TBX4: variants seen among roughly 807,000 people sequenced by gnomAD.
TBX4 encodes the protein T-box transcription factor TBX4.
TBX4 carries 13 observed loss-of-function variants against 54.6 expected under a neutral mutation model. The observed-to-expected ratio is 0.24, with a 90% CI of 0.15 to 0.38. The LOEUF (loss-of-function observed/expected upper bound fraction) is 0.38. Ranked by LOEUF, TBX4 falls within the 10% of genes least tolerant of loss-of-function variation. The pLI, the probability that TBX4 is intolerant of heterozygous loss-of-function variation, is 1.00. For missense variants in TBX4, 631 were observed against 728.5 expected (o/e 0.87, Z 1.54); for synonymous variants, 314 against 306.7 (o/e 1.02, Z -0.25).
Position 61,462,687 on chromosome 17 carries a change from G to A in TBX4, c.282-3132G>A, listed in dbSNP as rs1405882087. 6.6e-6 allele frequency among the ~76,000 whole-genome samples: 1 copy of A among 152,238 alleles called. No homozygotes were observed. Among genetic ancestry groups the A allele is most frequent in the Non-Finnish European group, 1.5e-5 (1 of 68,034 alleles). On this transcript the variant is annotated intron_variant, in intron 3 of 8. Transcript: ENST00000644296. The surrounding 1 kb of genome is among the most constrained non-coding windows in gnomAD (Gnocchi z 4.5). ...TGCGTGGACACAGGCGGCACACACA[G>A]TGTCTTCCTTCTTGGTCACCTCCCC...
rs1207495690 is a variant in TBX4 at position 61,472,425 on chromosome 17, TA to T, written c.549+4771del. Among the ~76,000 whole-genome samples the T allele has an allele frequency of 1.3e-5, 2 of 152,248 alleles. No homozygotes were observed. The highest frequency in any genetic ancestry group is 4.8e-5 in the African/African-American group (2 of 41,470). ...AGTAAGGTTAAGCATCTTCTTTTAA[TA>T]AATTTCCTCTCCTGCGAACTGCTGT... is the stretch of plus-strand genomic sequence containing the variant. On this transcript the variant is annotated intron_variant, in intron 5 of 8. Transcript: ENST00000644296. The surrounding 1 kb of genome is among the most constrained non-coding windows in gnomAD (Gnocchi z 4.5).
chr17:61,473,106 A>G (rs1054166860), intron 5 of TBX4, among the ~76,000 whole-genome samples: 2 of 152,184 alleles, frequency 1.3e-5, no homozygotes, highest in African/African-American at 4.8e-5. Context: ...TAAATTATAA[A>G]TTTACTTAGA....
rs2060464282 is a variant in TBX4 at position 61,457,800 on chromosome 17, C to T, written c.281+169C>T. Among the ~76,000 whole-genome samples the T allele has an allele frequency of 6.6e-6, 1 of 152,204 alleles. No homozygotes were observed. ...GCAGCTTGGGACTGGGCCGCCAAAGCCCGCAGGGGGCCACCGCAGCCGCGC... is the reference window on the plus strand; with the variant it reads ...GCAGCTTGGGACTGGGCCGCCAAAGTCCGCAGGGGGCCACCGCAGCCGCGC... On this transcript the variant is annotated intron_variant, in intron 3 of 8. Transcript: ENST00000644296. The surrounding 1 kb of genome is among the most constrained non-coding windows in gnomAD (Gnocchi z 8.2).
In TBX4 at chr17:61,476,088, C is replaced by T. The variant is rs2060618332; in HGVS notation, c.550-2539C>T. Among the ~76,000 whole-genome samples the T allele has an allele frequency of 6.6e-6, 1 of 152,076 alleles. No homozygotes were observed. Among genetic ancestry groups the T allele is most frequent in the South Asian group, 2.1e-4 (1 of 4,830 alleles). On this transcript the variant is annotated intron_variant, in intron 5 of 8. Coordinates refer to ENST00000644296, the MANE Select transcript of TBX4 (RefSeq NM_001321120.2). The surrounding 1 kb of genome is among the most constrained non-coding windows in gnomAD (Gnocchi z 6.5). ...GCACTCACTAGATCCTGTCTGGGGG[C>T]AAAGGAGCCTGGAGGTACAAAAGGA... is the stretch of plus-strand genomic sequence containing the variant.
At position 61,461,465 on chromosome 17, in the gene TBX4, G is replaced by C. The variant is rs1338577291; in HGVS notation, c.281+3834G>C. Among the ~76,000 whole-genome samples the C allele has an allele frequency of 6.6e-6, 1 of 152,144 alleles. No individual in the cohort carries two copies. Among genetic ancestry groups the C allele is most frequent in the Non-Finnish European group, 1.5e-5 (1 of 68,032 alleles). On this transcript the variant is annotated intron_variant, in intron 3 of 8. Coordinates refer to ENST00000644296, the MANE Select transcript of TBX4 (RefSeq NM_001321120.2). The surrounding 1 kb of genome is among the most constrained non-coding windows in gnomAD (Gnocchi z 5.1). ...AGGATTCCTCCTGAAAAGCCCCCAC[G>C]GACATCAGGGTTGGAGAAACAAAGG...
Position 61,465,796 on chromosome 17 carries a change from G to C in TBX4, c.282-23G>C, listed in dbSNP as rs569172421. 6.2e-7 allele frequency: 1 copy of C among 1,613,390 alleles called. No homozygotes were observed. On this transcript the variant is annotated intron_variant, in intron 3 of 8. Transcript: ENST00000644296. The surrounding 1 kb of genome is among the most constrained non-coding windows in gnomAD (Gnocchi z 4.9). ...TCCTGGTGCTCTGTCCACACGCTCC[G>C]CCTCACCCCTCGGCTCCCCCAGGAG...
Position 61,483,190 on chromosome 17 carries a change from C to T in TBX4, c.1315C>T (p.Pro439Ser). Residue 439 changes from proline (P) to serine (S), a missense_variant, in exon 9 of 9, where the codon CCG (proline) becomes TCG (serine). Around this residue, in one of 3 missense-constraint regions of TBX4, gnomAD observed 354 missense variants for 368.9 expected, o/e 0.96. Transcript: ENST00000644296. The surrounding 1 kb of genome is among the most constrained non-coding windows in gnomAD (Gnocchi z 6.6). Reference protein sequence around the residue: ...SYSVQTMETVPYQPFPTHFTA... With the variant: ...SYSVQTMETVSYQPFPTHFTA... ...TAGCGTGCAGACGATGGAGACTGTG[C>T]CGTACCAGCCCTTCCCCACGCACTT... 6.2e-7 allele frequency: 1 copy of T among 1,614,064 alleles called. No homozygotes were observed. The highest frequency in any genetic ancestry group is 8.5e-7 in the Non-Finnish European group (1 of 1,180,004).
At position 61,484,439 on chromosome 17, in the gene TBX4, A is replaced by C. The variant is rs1473086069; in HGVS notation, c.*923A>C. On this transcript the variant is annotated 3_prime_UTR_variant, in exon 9 of 9. Transcript: ENST00000644296. The surrounding 1 kb of genome is among the most constrained non-coding windows in gnomAD (Gnocchi z 4.1). ...CGCCTCAGCTGGCATCATCCCCAGG[A>C]GGCCACACTGGAGCTGATGTCTGGC... 2 of 152,148 alleles carry C rather than the reference A, an allele frequency of 1.3e-5. No individual in the cohort carries two copies. Among genetic ancestry groups the C allele is most frequent in the Admixed American group, 6.5e-5 (1 of 15,272 alleles). 9.4% of individuals were successfully genotyped at this position (152,148 alleles called of 1,614,324 possible).
rs201441863 is a variant in TBX4, at chr17:61,465,958, A to G, written c.401+20A>G. 6.2e-7 allele frequency: 1 copy of G among 1,613,386 alleles called. No individual in the cohort carries two copies. The highest frequency in any genetic ancestry group is 1.3e-5 in the African/African-American group (1 of 75,014). On this transcript the variant is annotated intron_variant, in intron 4 of 8. Coordinates refer to ENST00000644296, the MANE Select transcript of TBX4 (RefSeq NM_001321120.2). The surrounding 1 kb of genome is among the most constrained non-coding windows in gnomAD (Gnocchi z 4.9). ...CAAATGGTAAGTGGACCCTGACCGC[A>G]TCACCCACGTTCCCTCAACTGCCCA...
chr17:61,468,407 C>T lies in TBX4; in HGVS notation c.549+750C>T, dbSNP rs796779205. 9.2e-5 allele frequency among the ~76,000 whole-genome samples: 14 copies of T among 152,324 alleles called. 1 individual carries two copies. Among genetic ancestry groups the T allele is most frequent in the African/African-American group, 3.4e-4 (14 of 41,588 alleles). On this transcript the variant is annotated intron_variant, in intron 5 of 8. Transcript: ENST00000644296. ...AAGTCTGGGGACCTGGTACTATCTG[C>T]CAGGGCACAGGCCCCTCCCCTCGAG... is the stretch of plus-strand genomic sequence containing the variant.
rs1279863671 is a variant in TBX4, at chr17:61,475,758, T to C, written c.550-2869T>C. On this transcript the variant is annotated intron_variant, in intron 5 of 8. Transcript: ENST00000644296. This position sits in a 1 kb window ranked among gnomAD's most constrained non-coding sequence, Gnocchi z 5.0. ...AGTGTCCTGCACAGCCTTCATGAGGTGCTGGTGCCTATGGCTCTGTCCTGG... is the reference window on the plus strand; with the variant it reads ...AGTGTCCTGCACAGCCTTCATGAGGCGCTGGTGCCTATGGCTCTGTCCTGG... 6.6e-6 allele frequency among the ~76,000 whole-genome samples: 1 copy of C among 152,056 alleles called. No individual in the cohort carries two copies. Among genetic ancestry groups the C allele is most frequent in the Non-Finnish European group, 1.5e-5 (1 of 68,010 alleles).
Position 61,481,534 on chromosome 17 carries a change from CTGAG to C in TBX4, c.1021+1220_1021+1223del, listed in dbSNP as rs1162675893. 6.5e-6 allele frequency: 1 copy of C among 152,744 alleles called. No homozygotes were observed. The highest frequency in any genetic ancestry group is 1.9e-4 in the East Asian group (1 of 5,204). 9.5% of individuals were successfully genotyped at this position (152,744 alleles called of 1,614,324 possible). A position where few individuals can be genotyped will look rare whatever the true frequency, so the allele number is the denominator to read the frequency against. Reference sequence around the variant, plus strand: ...TTTGGAGAGAAGACGGAGAATCGGGCTGAGTGAGGGGCAAAGGAGAGAGCTGGGC... The same window carrying C: ...TTTGGAGAGAAGACGGAGAATCGGGCTGAGGGGCAAAGGAGAGAGCTGGGC... On this transcript the variant is annotated intron_variant, in intron 8 of 8. Coordinates refer to ENST00000644296, the MANE Select transcript of TBX4 (RefSeq NM_001321120.2). The surrounding 1 kb of genome is among the most constrained non-coding windows in gnomAD (Gnocchi z 4.8).
At chr17:61,453,016 C>T (rs2060424966) in intron 1 of TBX4, 1 of 983,400 alleles carries the variant, frequency 1.0e-6, no homozygotes, top group Non-Finnish European at 1.2e-6. Flanking sequence ...AGACTCAGAG[C>T]CTTTGATGCA....
In TBX4 at chr17:61,479,386, G is replaced by C. The variant is rs1440064204; in HGVS notation, c.703-495G>C. Reference sequence around the variant, plus strand: ...AAGGTGGGCAGGGGTCACTGGGGAAGGGCCGTGGCTGTGGTGGATTTTAGG... The same window carrying C: ...AAGGTGGGCAGGGGTCACTGGGGAACGGCCGTGGCTGTGGTGGATTTTAGG... On this transcript the variant is annotated intron_variant, in intron 6 of 8. Coordinates refer to ENST00000644296, the MANE Select transcript of TBX4 (RefSeq NM_001321120.2). The surrounding 1 kb of genome is among the most constrained non-coding windows in gnomAD (Gnocchi z 6.1). Among the ~76,000 whole-genome samples, 1 of 152,238 alleles carries C rather than the reference G, an allele frequency of 6.6e-6. No homozygotes were observed. The highest frequency in any genetic ancestry group is 6.5e-5 in the Admixed American group (1 of 15,288).
At position 61,479,908 on chromosome 17, in the gene TBX4, C is replaced by G; in HGVS notation, c.730C>G (p.Pro244Ala). Residue 244 changes from proline (P) to alanine (A), a missense_variant, in exon 7 of 9, where the codon CCT (proline) becomes GCT (alanine). By Grantham distance (27) the Pro-to-Ala change is conservative. Coordinates refer to ENST00000644296, the MANE Select transcript of TBX4 (RefSeq NM_001321120.2). This position sits in a 1 kb window ranked among gnomAD's most constrained non-coding sequence, Gnocchi z 6.1. ...CACCCAGCTGAAAATTGAGAACAAC[C>G]CTTTTGCCAAGGGATTCCGGGGCAG... ...KITQLKIENN[P>A]FAKGFRGSDD... 1 of 1,614,160 alleles carries G rather than the reference C, an allele frequency of 6.2e-7. No individual in the cohort carries two copies.
intron 1 of TBX4, 81 bp from the exon 2 acceptor site, chr17:61,456,399 ACGAAGTCC>A: frequency 6.6e-7 from 1 of 1,516,286 alleles, no homozygotes. Flanking sequence ...CGCGCCCCGC[ACGAAGTCC>A]CGGAATCGGC....
Position 61,456,538 on chromosome 17 carries a change from C to T in TBX4, c.48C>T (p.Ala16=), listed in dbSNP as rs1007353431. ...CCGAGAGCGAGGAGGCCTTCCGGGC[C>T]CCGGGCCCAGCGCTCGGAGAGGCCA... ...GLSESEEAFR[A]PGPALGEASA... Residue 16 remains alanine, a synonymous_variant, in exon 2 of 9, where the codon GCC becomes GCT. Transcript: ENST00000644296. The T allele has an allele frequency of 3.4e-5, 53 of 1,558,952 alleles. No homozygotes were observed. The highest frequency in any genetic ancestry group is 4.2e-5 in the Non-Finnish European group (48 of 1,152,232).
Position 61,464,045 on chromosome 17 carries a change from G to C in TBX4, c.282-1774G>C, listed in dbSNP as rs1313843518. On this transcript the variant is annotated intron_variant, in intron 3 of 8. Coordinates refer to ENST00000644296, the MANE Select transcript of TBX4 (RefSeq NM_001321120.2). This position sits in a 1 kb window ranked among gnomAD's most constrained non-coding sequence, Gnocchi z 5.8. ...CCCTCACTTCCCCCATTCCTGGAGA[G>C]GGGGTGGGGTGGGTATTTGAAAATG... Among the ~76,000 whole-genome samples, 1 of 152,230 alleles carries C rather than the reference G, an allele frequency of 6.6e-6. No homozygotes were observed. The highest frequency in any genetic ancestry group is 1.5e-5 in the Non-Finnish European group (1 of 68,034).
intron 5 of TBX4, among the ~76,000 whole-genome samples, 195 bp downstream of exon 5, chr17:61,467,852 G>T (rs561681637): frequency 6.6e-6 from 1 of 152,336 alleles, no homozygotes; most frequent in South Asian, 2.1e-4. Context: ...CCACTTACTG[G>T]CTGGGTAACT....
Sources: gnomAD v4.1 joint callset for allele counts (sites outside exome capture counted in the v4.1 genomes callset) on GRCh38, gnomAD v4.1.1 for gene constraint, gnomAD v4.1.1 regional missense constraint, Gnocchi (gnomAD v3.1) non-coding constraint, MANE v1.5 for transcripts, NCBI Gene and HGNC (gene_info 2026-07-23, HGNC 2026-07-21) for gene names.